The following SHISA6 variants were observed in gnomAD, a reference collection of about 807,000 sequenced individuals.
The protein encoded by SHISA6 is shisa family member 6.
Under a neutral mutation model 47.9 loss-of-function variants are expected in SHISA6, and 22 were observed. That is an observed-to-expected ratio of 0.46 (90% CI 0.33 to 0.66). The LOEUF (loss-of-function observed/expected upper bound fraction) is 0.66. SHISA6 is among the 30% of genes least tolerant of loss of function. SHISA6 has a pLI of 0.02. For synonymous variants in SHISA6, 388 were observed against 337.8 expected, an observed-to-expected ratio of 1.15 and a Z score of -1.63; for missense variants, 680 against 764.6, an observed-to-expected ratio of 0.89 and a Z score of 1.30.
At chr17:11,305,628 G>C (rs1191981392) in intron 2 of SHISA6, among the ~76,000 whole-genome samples, 1 of 152,224 alleles carries the variant, frequency 6.6e-6, no homozygotes, top group Non-Finnish European at 1.5e-5. Flanking sequence ...AACAGTCTTT[G>C]AGTTTGGTGT....
intron 2 of SHISA6, among the ~76,000 whole-genome samples, chr17:11,274,674 C>T (rs1356108944): frequency 6.6e-6 from 1 of 152,154 alleles, no homozygotes; most frequent in Non-Finnish European, 1.5e-5. Flanking sequence ...ATGTGCCACA[C>T]CAACTGTGTA....
chr17:11,548,959 A>G (rs1448897205), intron 3 of SHISA6, among the ~76,000 whole-genome samples: 3 of 152,260 alleles, frequency 2.0e-5, no homozygotes, highest in Non-Finnish European at 2.9e-5. Context: ...AGATATTTTT[A>G]TCTGTGTGCA....
chr17:11,336,198 C>T (rs1347853580), intron 2 of SHISA6, among the ~76,000 whole-genome samples: 1 of 151,940 alleles, frequency 6.6e-6, no homozygotes, highest in Admixed American at 6.6e-5. Flanking sequence ...AAGACTCACT[C>T]TCTCAAAAAA....
At chr17:11,423,905 A>G (rs368547932) in intron 3 of SHISA6, among the ~76,000 whole-genome samples, 10 of 152,374 alleles carry the variant, frequency 6.6e-5, no homozygotes, top group African/African-American at 2.4e-4. Context: ...AAAGTAGTAA[A>G]TAAAATTAAA....
At chr17:11,325,047 G>A (rs74545939) in intron 2 of SHISA6, among the ~76,000 whole-genome samples, 301 of 152,202 alleles carry the variant, frequency 2.0e-3, no homozygotes, top group African/African-American at 6.9e-3. Context: ...TACCCGGTAA[G>A]GGTCAAATAT....
At chr17:11,532,739 CTTTTTTTTTTTTT>C (rs71142217) in intron 3 of SHISA6, among the ~76,000 whole-genome samples, 2 of 71,304 alleles carry the variant, frequency 2.8e-5, no homozygotes, top group African/African-American at 5.8e-5. Context: ...TCTATCAGGG[CTTTTTTTTTTTTT>C]TTTTTTTTTT....
At chr17:11,458,855 A>G (rs1424102172) in intron 3 of SHISA6, among the ~76,000 whole-genome samples, 1 of 152,090 alleles carries the variant, frequency 6.6e-6, no homozygotes, top group African/African-American at 2.4e-5. Context: ...AACAGGCATA[A>G]TCCCGGCCTG....
chr17:11,410,268 GT>G lies in SHISA6; in HGVS notation c.895+30761del, dbSNP rs201841780. On this transcript the variant is annotated intron_variant, in intron 3 of 5. Transcript: ENST00000441885. ...CCTCAATCAACAACCCTCGGAGGAG[GT>G]TGGATGAGTTATCCAGTTCACTGAA... 9.0e-4 allele frequency among the ~76,000 whole-genome samples: 137 copies of G among 152,316 alleles called. 2 individuals are homozygous for G. The East Asian group carries it at 0.019, about 21-fold the overall frequency.
rs1907908699 is a variant in SHISA6, at chr17:11,253,792, A to G, written c.639-9574A>G. Among the ~76,000 whole-genome samples the G allele has an allele frequency of 2.6e-5, 4 of 152,090 alleles. No individual in the cohort carries two copies. The South Asian group carries it at 8.3e-4, about 32-fold the overall frequency. On this transcript the variant is annotated intron_variant, in intron 1 of 5. Transcript: ENST00000441885. ...AACTCTCTCTCTTTCGGCTTTGAGA[A>G]TTCATGTTATAAACTTCGCCACATC...
chr17:11,405,277 G>T (rs142187995), intron 3 of SHISA6, among the ~76,000 whole-genome samples: 1 of 152,094 alleles, frequency 6.6e-6, no homozygotes, highest in African/African-American at 2.4e-5. Context: ...TAGGTCTAGG[G>T]TGCCCCTGAG....
chr17:11,418,600 C>T (rs1914356141), intron 3 of SHISA6, among the ~76,000 whole-genome samples: 1 of 152,138 alleles, frequency 6.6e-6, no homozygotes, highest in Admixed American at 6.5e-5. Context: ...CCACACTTTG[C>T]AAACTGTAAA....
At chr17:11,277,592 G>A (rs540199275) in intron 2 of SHISA6, among the ~76,000 whole-genome samples, 6 of 152,112 alleles carry the variant, frequency 3.9e-5, no homozygotes, top group South Asian at 2.1e-4. Context: ...AGAGTGCAAC[G>A]ATTATAATTA....
chr17:11,343,589 C>G (rs1027834213), intron 2 of SHISA6, among the ~76,000 whole-genome samples: 1 of 152,158 alleles, frequency 6.6e-6, no homozygotes, highest in African/African-American at 2.4e-5. Flanking sequence ...GGGCGTTGAT[C>G]CCCTGAGTCC....
chr17:11,429,373 G>A (rs1000932515), intron 3 of SHISA6, among the ~76,000 whole-genome samples: 28 of 152,222 alleles, frequency 1.8e-4, no homozygotes, highest in African/African-American at 6.7e-4. Flanking sequence ...TCAGTGGGAG[G>A]GCATTTCACA....
intron 3 of SHISA6, among the ~76,000 whole-genome samples, chr17:11,513,921 A>G (rs895854108): frequency 7.2e-5 from 11 of 152,318 alleles, no homozygotes; most frequent in Admixed American, 3.9e-4. Flanking sequence ...CTCCAGTACA[A>G]TTTATCTCAG....
chr17:11,427,780 C>T (rs149559203), intron 3 of SHISA6, among the ~76,000 whole-genome samples: 1 of 151,996 alleles, frequency 6.6e-6, no homozygotes, highest in African/African-American at 2.4e-5. Flanking sequence ...CCAAATCCAC[C>T]ACATGAATAG....
chr17:11,258,908 G>A (rs1419765360), intron 1 of SHISA6, among the ~76,000 whole-genome samples: 1 of 152,204 alleles, frequency 6.6e-6, no homozygotes, highest in African/African-American at 2.4e-5. Flanking sequence ...CATAGTAGGT[G>A]AAGAAGACAA....
chr17:11,460,430 T>G (rs1915662288), intron 3 of SHISA6, among the ~76,000 whole-genome samples: 1 of 152,322 alleles, frequency 6.6e-6, no homozygotes, highest in South Asian at 2.1e-4. Context: ...TCACTCTTAT[T>G]GCCCAGGCTG....
At chr17:11,447,002 TTCC>T (rs566836855) in intron 3 of SHISA6, among the ~76,000 whole-genome samples, 26 of 152,334 alleles carry the variant, frequency 1.7e-4, no homozygotes, top group African/African-American at 5.3e-4. Flanking sequence ...CTCTGTGGTT[TTCC>T]TCCTATCTAA....
Sources: allele counts gnomAD v4.1 joint callset (sites outside exome capture counted in the v4.1 genomes callset), GRCh38; gene constraint gnomAD v4.1.1; transcripts MANE v1.5; gene names NCBI Gene and HGNC (gene_info 2026-07-23, HGNC 2026-07-21).